Variants in EYS observed in about 807,000 individuals in gnomAD.
EYS encodes the protein protein eyes shut homolog.
Under a neutral mutation model 282.1 loss-of-function variants are expected in EYS, and 250 were observed. That is an observed-to-expected ratio of 0.89 (90% CI 0.80 to 0.98). The LOEUF (loss-of-function observed/expected upper bound fraction) is 0.98. Among genes scored for constraint, EYS ranks in the 50% least tolerant of loss-of-function variants. EYS has a pLI of 0.00. For synonymous variants in EYS, 1,355 were observed against 1,282.9 expected, an observed-to-expected ratio of 1.06 and a Z score of -1.20; for missense variants, 4,016 against 3,709.0, an observed-to-expected ratio of 1.08 and a Z score of -2.15.
chr6:64,377,503 CCT>C (rs1427099066), intron 29 of EYS, among the ~76,000 whole-genome samples: 1 of 152,038 alleles, frequency 6.6e-6, no homozygotes, highest in African/African-American at 2.4e-5. Context: ...GGCCATTCAG[CCT>C]CTCTGTGCCT....
chr6:64,330,835 CTG>C (rs1385435494), intron 29 of EYS, among the ~76,000 whole-genome samples: 6 of 152,256 alleles, frequency 3.9e-5, no homozygotes, highest in African/African-American at 1.4e-4. Context: ...ACCTTAGAGA[CTG>C]TGAATAATCT....
intron 31 of EYS, among the ~76,000 whole-genome samples, chr6:64,216,893 C>T (rs1352528818): frequency 6.6e-6 from 1 of 152,098 alleles, no homozygotes; most frequent in Non-Finnish European, 1.5e-5. Flanking sequence ...AGTCAAGATT[C>T]CCCCAAAGTT....
intron 5 of EYS, among the ~76,000 whole-genome samples, chr6:65,435,959 T>TCTAA (rs1562179954): frequency 6.6e-6 from 1 of 152,262 alleles, no homozygotes; most frequent in East Asian, 1.9e-4. Flanking sequence ...CACTTTAATC[T>TCTAA]CTAACTTCTA....
intron 32 of EYS, among the ~76,000 whole-genome samples, chr6:64,069,951 A>C (rs1427685006): frequency 6.6e-6 from 1 of 152,142 alleles, no homozygotes; most frequent in East Asian, 1.9e-4. Context: ...ATTATTCTAT[A>C]CTTTTACAAA....
intron 12 of EYS, among the ~76,000 whole-genome samples, chr6:65,293,054 T>C (rs1320870004): frequency 1.3e-5 from 2 of 151,700 alleles, no homozygotes; most frequent in African/African-American, 4.8e-5. Flanking sequence ...CTGGGCTTGA[T>C]ATTGTCTAAG....
intron 35 of EYS, 58 bp downstream of exon 35, chr6:63,984,325 T>G (rs1562132283): frequency 1.6e-6 from 2 of 1,250,686 alleles, no homozygotes; most frequent in Non-Finnish European, 2.3e-6. Flanking sequence ...TGGCTTTTGT[T>G]GTTTTAAGAA....
chr6:64,196,410 T>C (rs1317789827), intron 31 of EYS, among the ~76,000 whole-genome samples: 1 of 152,120 alleles, frequency 6.6e-6, no homozygotes, highest in African/African-American at 2.4e-5. Context: ...ACCCAAAGGA[T>C]TATAAATCAT....
intron 12 of EYS, among the ~76,000 whole-genome samples, chr6:65,173,781 T>C (rs946639127): frequency 2.5e-4 from 38 of 151,326 alleles, no homozygotes; most frequent in African/African-American, 9.2e-4. Context: ...AACAAAATTG[T>C]TATAGCACAT....
intron 29 of EYS, among the ~76,000 whole-genome samples, chr6:64,335,200 C>A (rs957726135): frequency 3.3e-5 from 5 of 151,936 alleles, no homozygotes; most frequent in African/African-American, 4.8e-5. Context: ...GTAGTAGTAA[C>A]AGAAATTTTA....
intron 8 of EYS, among the ~76,000 whole-genome samples, chr6:65,360,455 T>C (rs1449566488): frequency 6.6e-6 from 1 of 152,080 alleles, no homozygotes; most frequent in Admixed American, 6.6e-5. Context: ...CATAGAATAA[T>C]GCAAAATGAA....
intron 14 of EYS, among the ~76,000 whole-genome samples, chr6:64,991,286 C>A (rs948877460): frequency 6.6e-6 from 1 of 151,582 alleles, no homozygotes; most frequent in Middle Eastern, 3.4e-3. Flanking sequence ...ATAAACATAG[C>A]AGGCTGTTTA....
intron 27 of EYS, among the ~76,000 whole-genome samples, chr6:64,437,826 T>C (rs1582751761): frequency 6.6e-6 from 1 of 151,192 alleles, no homozygotes; most frequent in African/African-American, 2.4e-5. Context: ...TTCAGAAACA[T>C]GAGCATTTAA....
chr6:65,414,047 A>T lies in EYS; in HGVS notation c.863-8680T>A, dbSNP rs1050042351. On this transcript the variant is annotated intron_variant, in intron 5 of 42. Transcript: ENST00000503581. Reference sequence around the variant, plus strand: ...TTGTTGGCTGATTTATTACAAGCAAATAGAATGCTGCTACCCCACAATAGA... The same window carrying T: ...TTGTTGGCTGATTTATTACAAGCAATTAGAATGCTGCTACCCCACAATAGA... Among the ~76,000 whole-genome samples the T allele has an allele frequency of 3.9e-5, 6 of 152,182 alleles. No individual in the cohort carries two copies. The South Asian group carries it at 1.0e-3, about 26-fold the overall frequency.
intron 11 of EYS, among the ~76,000 whole-genome samples, chr6:65,315,522 T>A: frequency 6.6e-6 from 1 of 152,022 alleles, no homozygotes; most frequent in East Asian, 1.9e-4. Context: ...CTTTTCCAAC[T>A]TTCTATAAAT....
chr6:65,349,682 A>T (rs2150324299), intron 9 of EYS, among the ~76,000 whole-genome samples: 1 of 151,574 alleles, frequency 6.6e-6, no homozygotes, highest in South Asian at 2.1e-4. Flanking sequence ...ACACTTCTGA[A>T]ATTATAAAAC....
chr6:65,193,083 T>C (rs1227603868), intron 12 of EYS, among the ~76,000 whole-genome samples: 1 of 151,882 alleles, frequency 6.6e-6, no homozygotes, highest in East Asian at 1.9e-4. Flanking sequence ...AAGACAAACA[T>C]TTACGTTCTC....
intron 19 of EYS, among the ~76,000 whole-genome samples, chr6:64,868,960 C>T (rs9351463): frequency 0.16 from 23,503 of 151,198 alleles, 2,152 homozygotes; most frequent in East Asian, 0.49. Context: ...TAAAGACTTC[C>T]GACTAAATAT....
At chr6:64,303,214 G>A (rs981286498) in intron 30 of EYS, among the ~76,000 whole-genome samples, 1 of 152,190 alleles carries the variant, frequency 6.6e-6, no homozygotes, top group Non-Finnish European at 1.5e-5. Flanking sequence ...TTGGCCAAGA[G>A]AGATTATCAT....
At chr6:65,535,166 T>C (rs1359493183) in intron 2 of EYS, among the ~76,000 whole-genome samples, 1 of 152,100 alleles carries the variant, frequency 6.6e-6, no homozygotes, top group Non-Finnish European at 1.5e-5. Flanking sequence ...TTAATCTCAG[T>C]CTGAGTCTGA....
Sources: gnomAD v4.1 joint callset for allele counts (sites outside exome capture counted in the v4.1 genomes callset) on GRCh38, gnomAD v4.1.1 for gene constraint, MANE v1.5 for transcripts, NCBI Gene and HGNC (gene_info 2026-07-23, HGNC 2026-07-21) for gene names.